The following DMRT1 variants were observed in gnomAD, a reference collection of about 807,000 sequenced individuals.
DMRT1 encodes the protein doublesex- and mab-3-related transcription factor 1.
Under a neutral mutation model 32.3 loss-of-function variants are expected in DMRT1, and 7 were observed. The ratio of observed to expected loss-of-function variants is 0.22; its 90% CI spans 0.12 to 0.41. The LOEUF is 0.41. Ranked by LOEUF, DMRT1 falls within the 10% of genes least tolerant of loss-of-function variation. DMRT1 has a pLI of 1.00. For missense variants in DMRT1, 625 were observed against 500.5 expected (o/e 1.25, Z -2.37); for synonymous variants, 278 against 206.1 (o/e 1.35, Z -2.99).
At chr9:861,725 A>G (rs1240282394) in intron 2 of DMRT1, among the ~76,000 whole-genome samples, 37 of 143,280 alleles carry the variant, frequency 2.6e-4, no homozygotes, top group African/African-American at 9.8e-4. Context: ...CTGGCCGGGC[A>G]GGGGCTGCCC....
At chr9:964,376 C>T (rs1299681871) in intron 4 of DMRT1, among the ~76,000 whole-genome samples, 2 of 152,058 alleles carry the variant, frequency 1.3e-5, no homozygotes, top group Admixed American at 6.6e-5. Flanking sequence ...CCAGTAGCTT[C>T]GGTAGACAAA....
rs55905583 is a variant in DMRT1, at chr9:846,952, G to C, written c.355-8G>C. ...GCTGGAGGATGACTCATTGTCGTGT[G>C]CTTCCAGGTGGCCCTGAGAAGGCAG... On this transcript the variant is annotated splice_polypyrimidine_tract_variant and splice_region_variant and intron_variant, in intron 1 of 4. Coordinates refer to ENST00000382276, the MANE Select transcript of DMRT1 (RefSeq NM_021951.3). 4,548 of 1,614,048 alleles carry C rather than the reference G, an allele frequency of 2.8e-3. 79 individuals carry two copies. The African/African-American group carries it at 0.041, about 15-fold the overall frequency.
intron 4 of DMRT1, among the ~76,000 whole-genome samples, chr9:951,319 A>G (rs1819421095): frequency 6.6e-6 from 1 of 152,234 alleles, no homozygotes; most frequent in African/African-American, 2.4e-5. Context: ...GCTCACTGGT[A>G]AATCACTTTG....
chr9:950,531 G>C (rs1265698902), intron 4 of DMRT1, among the ~76,000 whole-genome samples: 1 of 152,048 alleles, frequency 6.6e-6, no homozygotes, highest in East Asian at 1.9e-4. Flanking sequence ...CTCCCCAAAG[G>C]GTTTTTGTGA....
At chr9:903,649 G>C (rs1486723576) in intron 3 of DMRT1, among the ~76,000 whole-genome samples, 1 of 152,144 alleles carries the variant, frequency 6.6e-6, no homozygotes, top group Non-Finnish European at 1.5e-5. Flanking sequence ...TGAGAGGTTG[G>C]GTTTAGGAAT....
rs767130153 is a variant in DMRT1, at chr9:969,045, C to T, written c.*906C>T. The stretch of plus-strand genomic sequence containing the variant: ...TAGTCTAAAAAAATTCATTGTTCTA[C>T]TTAGTTGCAGCTGTACCTGAAATAA... On this transcript the variant is annotated 3_prime_UTR_variant, in exon 5 of 5. Coordinates refer to ENST00000382276, the MANE Select transcript of DMRT1 (RefSeq NM_021951.3). The T allele has an allele frequency of 3.3e-5, 5 of 152,590 alleles. No individual in the cohort carries two copies. Among genetic ancestry groups the T allele is most frequent in the Middle Eastern group, 3.2e-3 (1 of 316 alleles). 9.5% of individuals were successfully genotyped at this position (152,590 alleles called of 1,614,324 possible).
At chr9:862,036 G>A (rs1254042940) in intron 2 of DMRT1, among the ~76,000 whole-genome samples, 1 of 151,754 alleles carries the variant, frequency 6.6e-6, no homozygotes, top group Admixed American at 6.6e-5. Flanking sequence ...CCGGGCGGAG[G>A]GGCTCCTCAC....
chr9:862,116 C>A (rs542269962), intron 2 of DMRT1, among the ~76,000 whole-genome samples: 21 of 123,264 alleles, frequency 1.7e-4, no homozygotes, highest in African/African-American at 6.1e-4. Flanking sequence ...TGGGCAGAGG[C>A]TGCAATCTCA....
At position 953,028 on chromosome 9, in the gene DMRT1, A is replaced by T. The variant is rs538092990; in HGVS notation, c.968-14957A>T. Among the ~76,000 whole-genome samples, 8 of 152,330 alleles carry T rather than the reference A, an allele frequency of 5.3e-5. No homozygotes were observed. In the South Asian group the frequency reaches 1.0e-3, roughly 20 times the overall value. On this transcript the variant is annotated intron_variant, in intron 4 of 4. Transcript: ENST00000382276. Reference sequence around the variant, plus strand: ...AGGTTTTGAAAGATACACATCTTTGAAATGTGTAGAGACTTTCTTTGTGGA... The same window carrying T: ...AGGTTTTGAAAGATACACATCTTTGTAATGTGTAGAGACTTTCTTTGTGGA...
intron 2 of DMRT1, among the ~76,000 whole-genome samples, chr9:866,275 A>G (rs1455687172): frequency 2.0e-5 from 3 of 152,062 alleles, no homozygotes; most frequent in South Asian, 2.1e-4. Context: ...AGCACCATCA[A>G]TGCACATTTA....
intron 2 of DMRT1, among the ~76,000 whole-genome samples, chr9:876,146 C>T (rs893362504): frequency 8.5e-5 from 13 of 152,206 alleles, no homozygotes; most frequent in Admixed American, 8.5e-4. Flanking sequence ...TACCTGGTTC[C>T]GAGTAGCTTG....
intron 2 of DMRT1, among the ~76,000 whole-genome samples, chr9:891,485 C>G (rs1423156334): frequency 6.7e-6 from 1 of 149,028 alleles, no homozygotes; most frequent in African/African-American, 2.5e-5. Context: ...AGTGAAACGA[C>G]AAGATCTTAT....
chr9:864,789 CGT>C (rs1815903175), intron 2 of DMRT1, among the ~76,000 whole-genome samples: 1 of 152,142 alleles, frequency 6.6e-6, no homozygotes, highest in Non-Finnish European at 1.5e-5. Context: ...CGTGAGCCAC[CGT>C]GCCCGCCAGC....
chr9:956,577 AC>A (rs1392339719), intron 4 of DMRT1, among the ~76,000 whole-genome samples: 295 of 125,508 alleles, frequency 2.4e-3, no homozygotes, highest in African/African-American at 7.9e-3. Flanking sequence ...AAAAAAAAAA[AC>A]AAAAAACAAA....
In DMRT1 at chr9:845,533, TGAA is replaced by T. The variant is rs141651164; in HGVS notation, c.355-1424_355-1422del. Among the ~76,000 whole-genome samples, 752 of 152,304 alleles carry T rather than the reference TGAA, an allele frequency of 4.9e-3. 5 individuals carry two copies. The highest frequency in any genetic ancestry group is 8.2e-3 in the Non-Finnish European group (558 of 68,030). On this transcript the variant is annotated intron_variant, in intron 1 of 4. Transcript: ENST00000382276. ...TTTTTTCAATCTTTAACGGTGTTAT[TGAA>T]GAGGGACCATGAAGAGCTTCTTGGG...
chr9:915,950 A>T (rs188313940), intron 3 of DMRT1, among the ~76,000 whole-genome samples: 6 of 151,944 alleles, frequency 3.9e-5, no homozygotes, highest in African/African-American at 1.5e-4. Flanking sequence ...AGCCAGGATG[A>T]TCTCGATTTC....
In DMRT1 at chr9:877,441, C is replaced by T. The variant is rs553968452; in HGVS notation, c.539-16471C>T. 2.6e-5 allele frequency among the ~76,000 whole-genome samples: 4 copies of T among 152,284 alleles called. 1 individual carries two copies. In the South Asian group the frequency reaches 8.3e-4, roughly 32 times the overall value. On this transcript the variant is annotated intron_variant, in intron 2 of 4. Coordinates refer to ENST00000382276, the MANE Select transcript of DMRT1 (RefSeq NM_021951.3). ...GTGGGCACATGTATGGCCAGCAACC[C>T]TGTTTGCACCTTTTCTTTCCCTGCT...
chr9:951,399 C>T (rs138305688), intron 4 of DMRT1, among the ~76,000 whole-genome samples: 332 of 152,206 alleles, frequency 2.2e-3, no homozygotes, highest in African/African-American at 7.6e-3. Flanking sequence ...AGCAAGAATG[C>T]GTCTTTTCTG....
intron 2 of DMRT1, among the ~76,000 whole-genome samples, chr9:858,075 C>T (rs7863458): frequency 0.074 from 11,276 of 151,866 alleles, 1,234 homozygotes; most frequent in African/African-American, 0.24. Flanking sequence ...TGAATAGTGC[C>T]GCTATAAACA....
Sources: gnomAD v4.1 joint callset for allele counts (sites outside exome capture counted in the v4.1 genomes callset) on GRCh38, gnomAD v4.1.1 for gene constraint, MANE v1.5 for transcripts, NCBI Gene and HGNC (gene_info 2026-07-23, HGNC 2026-07-21) for gene names.